Variants in COL25A1 observed in about 807,000 individuals in gnomAD.
The protein encoded by COL25A1 is collagen type XXV alpha 1 chain.
A neutral mutation model predicts 128.4 loss-of-function variants in COL25A1; 103 were observed. The ratio of observed to expected loss-of-function variants is 0.80; its 90% confidence interval spans 0.68 to 0.94. The LOEUF is 0.94. Among genes scored for constraint, COL25A1 ranks in the 40% least tolerant of loss-of-function variants. The pLI, the probability that COL25A1 is intolerant of heterozygous loss-of-function variation, is 0.00. For missense variants in COL25A1, 745 were observed against 840.0 expected (o/e 0.89, Z 1.40); for synonymous variants, 279 against 277.2 (o/e 1.01, Z -0.06).
At chr4:108,937,699 C>G in intron 11 of COL25A1, 109 bp downstream of exon 11, 2 of 926,524 alleles carry the variant, frequency 2.2e-6, no homozygotes. Context: ...CTAATTTTCA[C>G]TTTTTTATTA....
At chr4:109,043,503 C>T (rs1474135000) in intron 5 of COL25A1, among the ~76,000 whole-genome samples, 1 of 151,942 alleles carries the variant, frequency 6.6e-6, no homozygotes, top group Non-Finnish European at 1.5e-5. Flanking sequence ...AGAGAGTTCT[C>T]CACGACCAAC....
intron 5 of COL25A1, among the ~76,000 whole-genome samples, chr4:109,010,705 G>C (rs1328188409): frequency 6.6e-6 from 1 of 152,160 alleles, no homozygotes; most frequent in African/African-American, 2.4e-5. Flanking sequence ...GTTACTTAAA[G>C]AAAGAGTCTT....
At chr4:109,188,628 A>G (rs1775340065) in intron 3 of COL25A1, among the ~76,000 whole-genome samples, 1 of 152,210 alleles carries the variant, frequency 6.6e-6, no homozygotes, top group Non-Finnish European at 1.5e-5. Context: ...GAATGGGGAC[A>G]ACGGCAAGCC....
chr4:109,235,290 A>T (rs992107346), intron 3 of COL25A1, among the ~76,000 whole-genome samples: 2 of 152,160 alleles, frequency 1.3e-5, no homozygotes, highest in Non-Finnish European at 2.9e-5. Context: ...GACTGACAAA[A>T]AATTGTAAGC....
intron 3 of COL25A1, among the ~76,000 whole-genome samples, chr4:109,076,432 T>C (rs1219501536): frequency 6.6e-6 from 1 of 152,188 alleles, no homozygotes; most frequent in Non-Finnish European, 1.5e-5. Flanking sequence ...GCTTTTTATG[T>C]GCTAACCCTG....
intron 3 of COL25A1, among the ~76,000 whole-genome samples, chr4:109,106,150 A>C (rs1766406859): frequency 6.6e-6 from 1 of 152,222 alleles, no homozygotes; most frequent in African/African-American, 2.4e-5. Context: ...AAACAGACTG[A>C]TGAGCTATAC....
chr4:108,866,742 C>T (rs1737973532), intron 20 of COL25A1, among the ~76,000 whole-genome samples: 1 of 152,188 alleles, frequency 6.6e-6, no homozygotes, highest in Admixed American at 6.5e-5. Context: ...ATGACTTTCC[C>T]ATGATGACAC....
At chr4:108,987,625 C>T (rs1207368677) in intron 6 of COL25A1, among the ~76,000 whole-genome samples, 2 of 152,198 alleles carry the variant, frequency 1.3e-5, no homozygotes, top group African/African-American at 2.4e-5. Flanking sequence ...CCACCCGCCT[C>T]TGCGTCCCAA....
In COL25A1 at chr4:109,075,225, A is replaced by G. The variant is rs192236076; in HGVS notation, c.368-25046T>C. On this transcript the variant is annotated intron_variant, in intron 3 of 37. Transcript: ENST00000399132. Reference sequence around the variant, plus strand: ...AGTTTTAACACCAGAACAGAATATCACTGTTAGTCTCATTATTTTGTTCTT... The same window carrying G: ...AGTTTTAACACCAGAACAGAATATCGCTGTTAGTCTCATTATTTTGTTCTT... Among the ~76,000 whole-genome samples, 410 of 152,216 alleles carry G rather than the reference A, an allele frequency of 2.7e-3. 3 individuals are homozygous for G. Among genetic ancestry groups the G allele is most frequent in the Non-Finnish European group, 4.4e-3 (297 of 67,972 alleles).
At chr4:109,169,016 A>C (rs1272468978) in intron 3 of COL25A1, among the ~76,000 whole-genome samples, 1 of 152,108 alleles carries the variant, frequency 6.6e-6, no homozygotes, top group Non-Finnish European at 1.5e-5. Context: ...ATTCCCATTA[A>C]AAATCTGATA....
intron 6 of COL25A1, among the ~76,000 whole-genome samples, chr4:108,983,696 A>C (rs1234633650): frequency 1.3e-5 from 2 of 151,900 alleles, no homozygotes; most frequent in South Asian, 4.2e-4. Flanking sequence ...TCGCTGGCTC[A>C]GGAGTGAAGC....
intron 3 of COL25A1, among the ~76,000 whole-genome samples, chr4:109,251,540 G>A (rs1780646704): frequency 6.6e-6 from 1 of 152,178 alleles, no homozygotes; most frequent in Non-Finnish European, 1.5e-5. Context: ...GCTAGTCAGG[G>A]TCAGTCACCA....
intron 3 of COL25A1, among the ~76,000 whole-genome samples, chr4:109,212,696 T>C (rs1348933012): frequency 3.9e-5 from 6 of 152,132 alleles, no homozygotes; most frequent in Non-Finnish European, 8.8e-5. Flanking sequence ...GTAGTACCCA[T>C]GAGTTCCCTA....
At chr4:108,916,691 CTT>C (rs1243521796) in intron 13 of COL25A1, among the ~76,000 whole-genome samples, 2 of 152,138 alleles carry the variant, frequency 1.3e-5, no homozygotes, top group Admixed American at 1.3e-4. Context: ...AATGAATACA[CTT>C]TTAAATTTTT....
intron 3 of COL25A1, among the ~76,000 whole-genome samples, chr4:109,288,724 C>A (rs1299689846): frequency 6.6e-6 from 1 of 152,012 alleles, no homozygotes. Flanking sequence ...GTCAGTGTTA[C>A]AATTTTCCAT....
chr4:108,900,040 A>C (rs1742650815), intron 14 of COL25A1, among the ~76,000 whole-genome samples: 1 of 152,108 alleles, frequency 6.6e-6, no homozygotes, highest in Non-Finnish European at 1.5e-5. Context: ...GAAATAAGGC[A>C]ATTATTGTAT....
intron 3 of COL25A1, among the ~76,000 whole-genome samples, chr4:109,274,353 A>G (rs1258610546): frequency 2.0e-5 from 3 of 152,216 alleles, no homozygotes; most frequent in Non-Finnish European, 4.4e-5. Context: ...AAAGAAAAAC[A>G]TATCATTTTA....
At chr4:108,987,565 G>A (rs942979561) in intron 6 of COL25A1, among the ~76,000 whole-genome samples, 5 of 151,618 alleles carry the variant, frequency 3.3e-5, no homozygotes, top group African/African-American at 7.3e-5. Context: ...TAGTAGAGAC[G>A]GGGTTTCACC....
intron 3 of COL25A1, among the ~76,000 whole-genome samples, chr4:109,226,469 A>G (rs574812905): frequency 1.3e-5 from 2 of 152,288 alleles, no homozygotes; most frequent in Admixed American, 6.5e-5. Context: ...AGCACCATTC[A>G]ATCCCTACAT....
Sources: gnomAD v4.1 joint callset for allele counts (sites outside exome capture counted in the v4.1 genomes callset) on GRCh38, gnomAD v4.1.1 for gene constraint, MANE v1.5 for transcripts, NCBI Gene and HGNC (gene_info 2026-07-23, HGNC 2026-07-21) for gene names.